Variants in NTM observed in about 807,000 individuals in gnomAD.
NTM encodes IgLON family member 2.
Under a neutral mutation model 42.1 loss-of-function variants are expected in NTM, and 13 were observed. The ratio of observed to expected loss-of-function variants is 0.31; its 90% CI spans 0.20 to 0.49. NTM has a LOEUF of 0.49. Among genes scored for constraint, NTM ranks in the 20% least tolerant of loss-of-function variants. NTM has a pLI of 0.99. For missense variants in NTM, 373 were observed against 452.8 expected, an observed-to-expected ratio of 0.82 and a Z score of 1.60; for synonymous variants, 187 against 179.2, an observed-to-expected ratio of 1.04 and a Z score of -0.35.
chr11:131,492,871 C>T (rs958869829), intron 1 of NTM, among the ~76,000 whole-genome samples: 1 of 152,122 alleles, frequency 6.6e-6, no homozygotes, highest in Non-Finnish European at 1.5e-5. Flanking sequence ...AAGCTGCAAA[C>T]TGTTTGGCCT....
chr11:132,315,752 T>C (rs1437700545), intron 7 of NTM, among the ~76,000 whole-genome samples: 2 of 152,080 alleles, frequency 1.3e-5, no homozygotes, highest in African/African-American at 2.4e-5. Flanking sequence ...ACCCATTACA[T>C]CCTCCTGCAT....
At chr11:132,190,290 T>C (rs959633834) in intron 3 of NTM, among the ~76,000 whole-genome samples, 14 of 152,022 alleles carry the variant, frequency 9.2e-5, no homozygotes, top group Non-Finnish European at 2.1e-4. Context: ...GGAAGCTATG[T>C]GAGGTAGCAT....
chr11:131,619,056 T>C (rs2062247139), intron 1 of NTM, among the ~76,000 whole-genome samples: 1 of 152,076 alleles, frequency 6.6e-6, no homozygotes, highest in Non-Finnish European at 1.5e-5. Context: ...ACAACAACAA[T>C]AGCAACAAAA....
chr11:131,743,709 G>A (rs904182152), intron 1 of NTM, among the ~76,000 whole-genome samples: 1 of 152,142 alleles, frequency 6.6e-6, no homozygotes, highest in Non-Finnish European at 1.5e-5. Context: ...TAGGCAAAAA[G>A]CAATAAGAAT....
At chr11:132,279,807 C>T (rs1006563276) in intron 4 of NTM, among the ~76,000 whole-genome samples, 3 of 152,174 alleles carry the variant, frequency 2.0e-5, no homozygotes, top group Non-Finnish European at 4.4e-5. Flanking sequence ...ACTTAACACT[C>T]TGCATTTCCT....
At chr11:131,945,630 A>G (rs1593080597) in intron 2 of NTM, among the ~76,000 whole-genome samples, 1 of 152,244 alleles carries the variant, frequency 6.6e-6, no homozygotes, top group South Asian at 2.1e-4. Context: ...TAAGAAAATA[A>G]CCCAAATAAC....
intron 1 of NTM, among the ~76,000 whole-genome samples, chr11:131,838,538 T>C (rs1321786174): frequency 6.6e-6 from 1 of 152,176 alleles, no homozygotes; most frequent in Non-Finnish European, 1.5e-5. Flanking sequence ...TATCTTTTGA[T>C]GTTGTTGTGA....
intron 2 of NTM, among the ~76,000 whole-genome samples, chr11:131,922,921 A>G (rs745687507): frequency 4.1e-4 from 62 of 152,322 alleles, no homozygotes; most frequent in Non-Finnish European, 8.1e-4. Context: ...GGAATGCAGA[A>G]CGCTGAACTT....
chr11:131,897,323 C>T (rs1187875222), intron 1 of NTM, among the ~76,000 whole-genome samples: 1 of 152,122 alleles, frequency 6.6e-6, no homozygotes, highest in African/African-American at 2.4e-5. Context: ...GCATTGGAGA[C>T]TGGCAAGAAG....
At chr11:132,167,132 T>C (rs2075398965) in intron 3 of NTM, among the ~76,000 whole-genome samples, 1 of 152,224 alleles carries the variant, frequency 6.6e-6, no homozygotes, top group South Asian at 2.1e-4. Context: ...GCTTAGCGCT[T>C]GCTGTATGCC....
rs754516140 is a variant in NTM at position 132,146,246 on chromosome 11, C to T, written c.168-36C>T. On this transcript the variant is annotated intron_variant, in intron 2 of 8. Coordinates refer to ENST00000683400, the MANE Select transcript of NTM (RefSeq NM_001352005.2). The surrounding 1 kb of genome is among the most constrained non-coding windows in gnomAD (Gnocchi z 4.5). ...CCCTCTGATGGCTGCTGTCGTCTCT[C>T]AGTCCCTTGACGTACCTGTCTGGTC... is the stretch of plus-strand genomic sequence containing the variant. The T allele has an allele frequency of 3.1e-6, 5 of 1,610,002 alleles. No individual in the cohort carries two copies. The highest frequency in any genetic ancestry group is 1.1e-5 in the South Asian group (1 of 90,670).
intron 7 of NTM, among the ~76,000 whole-genome samples, chr11:132,322,716 C>T (rs2095598116): frequency 7.2e-6 from 1 of 139,270 alleles, no homozygotes; most frequent in African/African-American, 2.7e-5. Context: ...CCCAAATCAA[C>T]AGAATATACA....
At chr11:132,108,140 G>A (rs116619916) in intron 2 of NTM, among the ~76,000 whole-genome samples, 101 of 152,120 alleles carry the variant, frequency 6.6e-4, no homozygotes, top group African/African-American at 2.4e-3. Flanking sequence ...TCCCCATCTC[G>A]TAATATCCAT....
At chr11:131,708,711 ATT>A (rs1565452758) in intron 1 of NTM, among the ~76,000 whole-genome samples, 1 of 152,226 alleles carries the variant, frequency 6.6e-6, no homozygotes. Context: ...TGAAAAATAT[ATT>A]GAGGGCCTTC....
At chr11:131,407,843 C>A (rs1282154299) in intron 1 of NTM, among the ~76,000 whole-genome samples, 2 of 152,254 alleles carry the variant, frequency 1.3e-5, no homozygotes, top group South Asian at 4.2e-4. Context: ...AGCAAATATG[C>A]CAGTAGCATT....
intron 1 of NTM, among the ~76,000 whole-genome samples, chr11:131,441,219 C>T (rs144331041): frequency 7.2e-5 from 11 of 152,160 alleles, no homozygotes; most frequent in African/African-American, 2.2e-4. Flanking sequence ...TGAGCTGATG[C>T]GTCTCCAACC....
chr11:131,649,873 G>C (rs998843277), intron 1 of NTM, among the ~76,000 whole-genome samples: 1 of 152,168 alleles, frequency 6.6e-6, no homozygotes, highest in African/African-American at 2.4e-5. Context: ...GCATTTCCCA[G>C]ACTGACCCCC....
At chr11:131,693,036 C>T (rs1024038844) in intron 1 of NTM, among the ~76,000 whole-genome samples, 4 of 149,016 alleles carry the variant, frequency 2.7e-5, no homozygotes, top group African/African-American at 9.8e-5. Context: ...TCAGCCAAGA[C>T]AAGTCATTAG....
At chr11:131,978,607 T>TTCCCGAGGC in intron 2 of NTM, among the ~76,000 whole-genome samples, 2 of 152,178 alleles carry the variant, frequency 1.3e-5, no homozygotes. Context: ...CCTATGACTG[T>TTCCCGAGGC]TCCCGAGGCT....
Sources: gnomAD v4.1 joint callset for allele counts (sites outside exome capture counted in the v4.1 genomes callset) on GRCh38, gnomAD v4.1.1 for gene constraint, Gnocchi (gnomAD v3.1) non-coding constraint, MANE v1.5 for transcripts, NCBI Gene and HGNC (gene_info 2026-07-23, HGNC 2026-07-21) for gene names.